KIF3B: variants seen among roughly 807,000 people sequenced by gnomAD.
The protein encoded by KIF3B is kinesin family member 3B, also known as kinesin-like protein KIF3B.
In KIF3B, 38 loss-of-function variants were observed where a neutral mutation model predicts 74.3. That is an observed-to-expected ratio of 0.51 (90% CI 0.39 to 0.67). The LOEUF (loss-of-function observed/expected upper bound fraction) is 0.67, where lower values mean the gene tolerates loss of function less well. KIF3B is among the 30% of genes least tolerant of loss of function. The pLI is 0.00. For missense variants in KIF3B, 649 were observed against 932.0 expected (o/e 0.70, Z 3.95); for synonymous variants, 326 against 342.5 (o/e 0.95, Z 0.53).
chr20:32,292,824 C>A (rs972798173), intron 1 of KIF3B, among the ~76,000 whole-genome samples: 14 of 152,082 alleles, frequency 9.2e-5, no homozygotes, highest in African/African-American at 3.4e-4. Flanking sequence ...ACAGTCCTAC[C>A]TCTGGGAGTG....
intron 5 of KIF3B, among the ~76,000 whole-genome samples, chr20:32,322,185 C>T (rs939267986): frequency 1.3e-5 from 2 of 151,930 alleles, no homozygotes; most frequent in Non-Finnish European, 2.9e-5. Flanking sequence ...TAATTTTTCT[C>T]GAGAATGTTT....
chr20:32,324,402 C>G lies in KIF3B; in HGVS notation c.1749-2369C>G, dbSNP rs144296023. 1.1e-4 allele frequency among the ~76,000 whole-genome samples: 17 copies of G among 152,174 alleles called. No homozygotes were observed. In the East Asian group the frequency reaches 3.3e-3, roughly 29 times the overall value. ...AAACACAGATTGCTGGGTATCACAC[C>G]CGGAGTCTGATTCAGAAAGGCTGGG... is the stretch of plus-strand genomic sequence containing the variant. On this transcript the variant is annotated intron_variant, in intron 5 of 8. Transcript: ENST00000375712.
At chr20:32,299,622 G>T (rs2047733963) in intron 1 of KIF3B, among the ~76,000 whole-genome samples, 1 of 151,144 alleles carries the variant, frequency 6.6e-6, no homozygotes, top group South Asian at 2.1e-4. Context: ...ATGTTGGCCA[G>T]GGTGGTTTCA....
intron 2 of KIF3B, among the ~76,000 whole-genome samples, chr20:32,313,684 C>T (rs922861929): frequency 1.7e-4 from 25 of 150,538 alleles, no homozygotes; most frequent in African/African-American, 5.6e-4. Flanking sequence ...ACAGTAAGCG[C>T]GACTGGCTGT....
In KIF3B at chr20:32,330,112, C is replaced by T; in HGVS notation, c.1969-29C>T. 1.9e-6 allele frequency: 3 copies of T among 1,597,914 alleles called. No individual in the cohort carries two copies. The East Asian group carries it at 6.7e-5, about 36-fold the overall frequency. On this transcript the variant is annotated intron_variant, in intron 7 of 8. Coordinates refer to ENST00000375712, the MANE Select transcript of KIF3B (RefSeq NM_004798.4). ...CTGCCTGTGTCCAGTTGGAGGCTAA[C>T]CTAGCTGGTGATGGCTGTGCTTCTG...
chr20:32,328,460 G>A (rs1280119596), intron 7 of KIF3B, among the ~76,000 whole-genome samples: 1 of 151,780 alleles, frequency 6.6e-6, no homozygotes, highest in East Asian at 1.9e-4. Context: ...ACAAAAATTA[G>A]CCGGGTATGG....
At chr20:32,308,472 G>T (rs1429407888) in intron 1 of KIF3B, among the ~76,000 whole-genome samples, 1 of 152,112 alleles carries the variant, frequency 6.6e-6, no homozygotes, top group Non-Finnish European at 1.5e-5. Context: ...GTGCAGTGGC[G>T]CAGTCTTGGC....
At chr20:32,309,322 T>C (rs1362811970) in intron 1 of KIF3B, among the ~76,000 whole-genome samples, 1 of 151,798 alleles carries the variant, frequency 6.6e-6, no homozygotes, top group Non-Finnish European at 1.5e-5. Flanking sequence ...TGTGAGCTAC[T>C]GTGTACAGCC....
intron 8 of KIF3B, 69 bp downstream of exon 8, chr20:32,330,388 C>G (rs768079356): frequency 4.8e-5 from 67 of 1,402,204 alleles, no homozygotes; most frequent in Non-Finnish European, 6.6e-5. Context: ...AGCAAGAATG[C>G]TTGTTTATCA....
intron 1 of KIF3B, among the ~76,000 whole-genome samples, chr20:32,279,218 C>G (rs2047630839): frequency 6.6e-6 from 1 of 152,040 alleles, no homozygotes; most frequent in Non-Finnish European, 1.5e-5. Flanking sequence ...CCACCACACC[C>G]AGTCATTGCC....
Position 32,310,215 on chromosome 20 carries a change from G to A in KIF3B, c.438G>A (p.Glu146=), listed in dbSNP as rs1406655221. The change falls in exon 2 of 9, where the codon GAG becomes GAA. Residue 146 remains glutamate (E), a synonymous_variant. Coordinates refer to ENST00000375712, the MANE Select transcript of KIF3B (RefSeq NM_004798.4). The surrounding 1 kb of genome is among the most constrained non-coding windows in gnomAD (Gnocchi z 6.5). ...ACCTGGTCAGGGCTTCTTACTTAGA[G>A]ATCTACCAGGAGGAGATCCGAGATT... ...QQYLVRASYL[E]IYQEEIRDLL... is the part of the protein sequence containing the mutation. 1.2e-6 allele frequency: 2 copies of A among 1,613,894 alleles called. No individual in the cohort carries two copies. Among genetic ancestry groups the A allele is most frequent in the Non-Finnish European group, 1.7e-6 (2 of 1,179,828 alleles).
In KIF3B at chr20:32,277,710, C is replaced by T; in HGVS notation, c.-121C>T. 1 of 257,654 alleles carries T rather than the reference C, an allele frequency of 3.9e-6. No homozygotes were observed. The highest frequency in any genetic ancestry group is 7.1e-6 in the Non-Finnish European group (1 of 141,630). 16.0% of individuals were successfully genotyped at this position (257,654 alleles called of 1,614,324 possible). On this transcript the variant is annotated 5_prime_UTR_variant, in exon 1 of 9. Coordinates refer to ENST00000375712, the MANE Select transcript of KIF3B (RefSeq NM_004798.4). ...CTGAGCCAGGGGTTCGCCGCCCCCG[C>T]CGCCGCCGCCGCCGCCGCCGCCGCC...
chr20:32,314,046 T>G (rs1031642494), intron 2 of KIF3B, among the ~76,000 whole-genome samples: 3 of 152,088 alleles, frequency 2.0e-5, no homozygotes, highest in African/African-American at 7.2e-5. Flanking sequence ...TTGCATACTG[T>G]CTTTTAGGAT....
At chr20:32,311,285 C>A in intron 2 of KIF3B, 104 bp downstream of exon 2, 1 of 1,279,846 alleles carries the variant, frequency 7.8e-7, no homozygotes, top group Non-Finnish European at 1.1e-6. Context: ...TGTCTCTCAT[C>A]AGTTTTGGAT....
chr20:32,297,966 T>C (rs2047724042), intron 1 of KIF3B, among the ~76,000 whole-genome samples: 1 of 151,708 alleles, frequency 6.6e-6, no homozygotes, highest in Non-Finnish European at 1.5e-5. Context: ...CAAAATTAGC[T>C]GGGCAAGGTG....
At chr20:32,322,565 G>A (rs935427397) in intron 5 of KIF3B, among the ~76,000 whole-genome samples, 29 of 140,522 alleles carry the variant, frequency 2.1e-4, no homozygotes, top group Admixed American at 9.7e-4. Context: ...CCGAGATTGC[G>A]CCATTGCACT....
At chr20:32,297,826 G>A (rs2047723410) in intron 1 of KIF3B, among the ~76,000 whole-genome samples, 1 of 151,972 alleles carries the variant, frequency 6.6e-6, no homozygotes, top group Non-Finnish European at 1.5e-5. Context: ...GAAATTGTTA[G>A]GCCGGGTGCT....
intron 5 of KIF3B, among the ~76,000 whole-genome samples, chr20:32,324,510 T>C (rs1048701686): frequency 6.6e-6 from 1 of 152,234 alleles, no homozygotes; most frequent in South Asian, 2.1e-4. Context: ...GAACTCTTGG[T>C]CTCTCATGAG....
chr20:32,310,714 A>G lies in KIF3B; in HGVS notation c.937A>G (p.Met313Val). ...DSLGGNAKTV[M>V]VANVGPASYN... ...CCTTGGTGGCAATGCCAAGACTGTG[A>G]TGGTGGCCAACGTGGGGCCTGCCTC... The change falls in exon 2 of 9, where the codon ATG becomes GTG. Residue 313 changes from methionine (M) to valine (V), a missense_variant. Physicochemically the swap from Met to Val is conservative, Grantham distance 21. Transcript: ENST00000375712. The surrounding 1 kb of genome is among the most constrained non-coding windows in gnomAD (Gnocchi z 6.5). 1.2e-6 allele frequency: 2 copies of G among 1,614,164 alleles called. No homozygotes were observed. Among genetic ancestry groups the G allele is most frequent in the Non-Finnish European group, 1.7e-6 (2 of 1,180,022 alleles).
Sources: allele counts gnomAD v4.1 joint callset (sites outside exome capture counted in the v4.1 genomes callset), GRCh38; gene constraint gnomAD v4.1.1; non-coding constraint Gnocchi (gnomAD v3.1); transcripts MANE v1.5; gene names NCBI Gene and HGNC (gene_info 2026-07-23, HGNC 2026-07-21).